Variants in FAT1 observed in about 807,000 individuals in gnomAD.
The protein encoded by FAT1 is FAT atypical cadherin 1.
In FAT1, 171 loss-of-function variants were observed where a neutral mutation model predicts 329.8. The observed-to-expected ratio is 0.52, with a 90% CI of 0.46 to 0.59. The LOEUF (loss-of-function observed/expected upper bound fraction) is 0.59. Among genes scored for constraint, FAT1 ranks in the 20% least tolerant of loss-of-function variants. The pLI is 0.00. For synonymous variants in FAT1, 2,233 were observed against 2,228.6 expected (o/e 1.00, Z -0.06); for missense variants, 5,672 against 5,774.4 (o/e 0.98, Z 0.57).
Position 186,588,948 on chromosome 4 carries a change from C to T in FAT1, c.13411G>A (p.Ala4471Thr), listed in dbSNP as rs368666671. The T allele has an allele frequency of 3.3e-5, 54 of 1,613,936 alleles. 1 individual carries two copies. Among genetic ancestry groups the T allele is most frequent in the African/African-American group, 2.0e-4 (15 of 75,020 alleles). The change falls in exon 27 of 27, where the codon GCG becomes ACG. Residue 4471 changes from alanine (A) to threonine (T), a missense_variant. Physicochemically the swap from Ala to Thr is moderately conservative, Grantham distance 58. Around this residue, in one of 2 missense-constraint regions of FAT1, gnomAD observed 1,706 missense variants for 1,859.1 expected, o/e 0.92. Transcript: ENST00000441802. ...CTTGATGAAGAACCCAAGCTACCCG[C>T]GGCAGGCATGTCTCTAGGAGGGTGG... ...SIHPPRDMPA[A>T]GSLGSSSRNR...
At chr4:186,650,335 GA>G (rs889548924) in intron 3 of FAT1, among the ~76,000 whole-genome samples, 1 of 151,682 alleles carries the variant, frequency 6.6e-6, no homozygotes, top group Non-Finnish European at 1.5e-5. Flanking sequence ...CTCCATAACA[GA>G]AAAAAAACTC....
intron 2 of FAT1, among the ~76,000 whole-genome samples, chr4:186,691,378 AC>A (rs1390741773): frequency 6.6e-6 from 1 of 152,226 alleles, no homozygotes; most frequent in East Asian, 1.9e-4. Flanking sequence ...TCCAAGACTT[AC>A]TGTTTATGAG....
chr4:186,632,547 A>C (rs1397256374), intron 7 of FAT1, among the ~76,000 whole-genome samples: 7 of 152,216 alleles, frequency 4.6e-5, no homozygotes. Flanking sequence ...ACTAAATTGA[A>C]ATTTTGACAC....
At chr4:186,683,436 T>G (rs1743316911) in intron 2 of FAT1, among the ~76,000 whole-genome samples, 1 of 152,210 alleles carries the variant, frequency 6.6e-6, no homozygotes, top group Admixed American at 6.5e-5. Flanking sequence ...GAGCAGGTTC[T>G]GGCATTCTAG....
At position 186,588,541 on chromosome 4, in the gene FAT1, C is replaced by G; in HGVS notation, c.*51G>C. The G allele has an allele frequency of 6.4e-7, 1 of 1,559,480 alleles. No homozygotes were observed. ...GCTGCAAAGAACAGCGCGGATTACT[C>G]ACATCACCTCTAGGTTCACTAAAGT... On this transcript the variant is annotated 3_prime_UTR_variant, in exon 27 of 27. Transcript: ENST00000441802.
Position 186,619,265 on chromosome 4 carries a change from C to G in FAT1, c.7321G>C (p.Asp2441His), listed in dbSNP as rs761400606. 1 of 1,613,972 alleles carries G rather than the reference C, an allele frequency of 6.2e-7. No homozygotes were observed. The highest frequency in any genetic ancestry group is 8.5e-7 in the Non-Finnish European group (1 of 1,179,890). Residue 2441 changes from aspartate (D) to histidine (H), a missense_variant, in exon 10 of 27, where the codon GAC becomes CAC. Asp to His is a moderately conservative substitution (Grantham distance 81). Coordinates refer to ENST00000441802, the MANE Select transcript of FAT1 (RefSeq NM_005245.4). Reference protein sequence around the residue: ...SGNDHKHFVIDSATGIITLSN... With the variant: ...SGNDHKHFVIHSATGIITLSN... ...AGGGTGATAATCCCTGTTGCACTGT[C>G]AATGACAAAATGTTTATGATCATTG...
At position 186,704,453 on chromosome 4, in the gene FAT1, T is replaced by G. The variant is rs568779624; in HGVS notation, c.3265+2110A>C. Among the ~76,000 whole-genome samples the G allele has an allele frequency of 1.9e-3, 286 of 152,334 alleles. 1 individual carries two copies. The highest frequency in any genetic ancestry group is 6.8e-3 in the African/African-American group (282 of 41,568). ...TTAAAAAGCAACAATAAAAATACTCTTCTTCACTTGAAAGAAAAAACCCAA... is the reference window on the plus strand; with the variant it reads ...TTAAAAAGCAACAATAAAAATACTCGTCTTCACTTGAAAGAAAAAACCCAA... On this transcript the variant is annotated intron_variant, in intron 2 of 26. Transcript: ENST00000441802.
chr4:186,696,077 C>T (rs1008245082), intron 2 of FAT1, among the ~76,000 whole-genome samples: 3 of 152,202 alleles, frequency 2.0e-5, no homozygotes, highest in Non-Finnish European at 4.4e-5. Context: ...AGGCGGGAGC[C>T]ACAGCGCCCG....
In FAT1 at chr4:186,592,646, C is replaced by A. The variant is rs539784460; in HGVS notation, c.13138+3043G>T. 1.4e-4 allele frequency: 64 copies of A among 454,502 alleles called. 1 individual carries two copies. The East Asian group carries it at 4.0e-3, about 29-fold the overall frequency. 28.2% of individuals were successfully genotyped at this position (454,502 alleles called of 1,614,324 possible). On this transcript the variant is annotated intron_variant, in intron 26 of 26. Coordinates refer to ENST00000441802, the MANE Select transcript of FAT1 (RefSeq NM_005245.4). ...AGCAATGCGGCCGAGCTCTACGACA[C>A]GGCTGCTGCAAGACACAGACACAAG...
At chr4:186,613,861 T>A (rs2126477839) in intron 12 of FAT1, among the ~76,000 whole-genome samples, 1 of 152,372 alleles carries the variant, frequency 6.6e-6, no homozygotes, top group Non-Finnish European at 1.5e-5. Flanking sequence ...GAAAATATGC[T>A]ATTTAAATAA....
At chr4:186,632,183 C>T (rs1407998145) in intron 7 of FAT1, among the ~76,000 whole-genome samples, 1 of 152,078 alleles carries the variant, frequency 6.6e-6, no homozygotes, top group Non-Finnish European at 1.5e-5. Context: ...AGTTGGTGCA[C>T]GTGATATTTC....
rs746092092 is a variant in FAT1 at position 186,618,253 on chromosome 4, A to G, written c.8333T>C (p.Ile2778Thr). 6.2e-6 allele frequency: 10 copies of G among 1,613,916 alleles called. No individual in the cohort carries two copies. In the African/African-American group the frequency reaches 1.3e-4, roughly 22 times the overall value. The change falls in exon 10 of 27, where the codon ATA becomes ACA. Residue 2778 changes from isoleucine to threonine, a missense_variant. Ile to Thr is a moderately conservative substitution (Grantham distance 89). This residue lies in a region of FAT1 where 3,966 missense variants were observed against 3,915.2 expected (regional missense o/e 1.01). Coordinates refer to ENST00000441802, the MANE Select transcript of FAT1 (RefSeq NM_005245.4). ...GTCATCTTGAGTGCACCTGGCCAGT[A>G]TGGAAAACTGATACCACTTAGTTGT... is the stretch of plus-strand genomic sequence containing the variant. ...HETTKWYQFS[I>T]LARCTQDDHE...
At chr4:186,651,639 T>G (rs975427458) in intron 3 of FAT1, among the ~76,000 whole-genome samples, 1 of 152,132 alleles carries the variant, frequency 6.6e-6, no homozygotes, top group African/African-American at 2.4e-5. Flanking sequence ...ACACTGAACA[T>G]GCAGAGCCGA....
intron 9 of FAT1, among the ~76,000 whole-genome samples, chr4:186,625,044 GA>G (rs1740233701): frequency 6.6e-6 from 1 of 152,160 alleles, no homozygotes; most frequent in African/African-American, 2.4e-5. Flanking sequence ...TCCATTCTCT[GA>G]ATACCAGATT....
chr4:186,646,499 G>C (rs996641250), intron 3 of FAT1, among the ~76,000 whole-genome samples: 1 of 152,130 alleles, frequency 6.6e-6, no homozygotes, highest in Non-Finnish European at 1.5e-5. Flanking sequence ...ACTTGAAACA[G>C]AGCTAATGTC....
At chr4:186,691,680 T>G (rs1167216250) in intron 2 of FAT1, among the ~76,000 whole-genome samples, 1 of 152,098 alleles carries the variant, frequency 6.6e-6, no homozygotes, top group Non-Finnish European at 1.5e-5. Flanking sequence ...TGGTGGCATA[T>G]GCCTGTAGTC....
At chr4:186,609,698 T>C (rs1739308065) in intron 15 of FAT1, 103 bp downstream of exon 15, 3 of 786,028 alleles carry the variant, frequency 3.8e-6, no homozygotes, top group Non-Finnish European at 6.3e-6. Context: ...ATCTCCAAAA[T>C]ATTTACAAAG....
At chr4:186,631,032 G>A (rs1348716515) in intron 7 of FAT1, among the ~76,000 whole-genome samples, 1 of 152,190 alleles carries the variant, frequency 6.6e-6, no homozygotes, top group Non-Finnish European at 1.5e-5. Flanking sequence ...CAGGGCACTG[G>A]CAGTTCTCCC....
chr4:186,635,947 C>A (rs915690459), intron 6 of FAT1, 78 bp downstream of exon 6: 33 of 1,293,178 alleles, frequency 2.6e-5, no homozygotes, highest in Non-Finnish European at 3.5e-5. Context: ...CTGACTTGTG[C>A]CCAAAACTCA....
Sources: gnomAD v4.1 joint callset for allele counts (sites outside exome capture counted in the v4.1 genomes callset) on GRCh38, gnomAD v4.1.1 for gene constraint, gnomAD v4.1.1 regional missense constraint, MANE v1.5 for transcripts, NCBI Gene and HGNC (gene_info 2026-07-23, HGNC 2026-07-21) for gene names.